ABI2: variants seen among roughly 807,000 people sequenced by gnomAD.
The protein encoded by ABI2 is abelson interactor 2.
Under a neutral mutation model 59.2 loss-of-function variants are expected in ABI2, and 25 were observed. The ratio of observed to expected loss-of-function variants is 0.42; its 90% CI spans 0.31 to 0.59. The LOEUF (loss-of-function observed/expected upper bound fraction) is 0.59. ABI2 is among the 20% of genes least tolerant of loss of function. The probability of loss-of-function intolerance (pLI) is 0.14; values close to 1 mark genes in which losing one functional copy is unlikely to be tolerated. For synonymous variants in ABI2, 213 were observed against 235.5 expected (o/e 0.90, Z 0.87); for missense variants, 545 against 681.8 (o/e 0.80, Z 2.23).
At chr2:203,380,180 G>T (rs1163507620) in intron 2 of ABI2, 28 bp from the exon 3 acceptor site, 2 of 1,416,856 alleles carry the variant, frequency 1.4e-6, no homozygotes, top group Non-Finnish European at 1.9e-6. Context: ...ATACATTTTT[G>T]TGTTGTTTTT....
chr2:203,428,360 A>T lies in ABI2; in HGVS notation c.*1008A>T, dbSNP rs191896687. The T allele has an allele frequency of 6.5e-6, 1 of 152,696 alleles. No homozygotes were observed. Among genetic ancestry groups the T allele is most frequent in the African/African-American group, 2.4e-5 (1 of 41,542 alleles). The allele number at this position is 152,696 out of a possible 1,614,324, so 9.5% of individuals were successfully genotyped here. A position where few individuals can be genotyped will look rare whatever the true frequency, so the allele number is the denominator to read the frequency against. ...GTTATTTTCAAGTCTCCTGACAGTC[A>T]CTGGGAGTACAAGGTTTGCTAATGT... On this transcript the variant is annotated 3_prime_UTR_variant, in exon 12 of 12. Transcript: ENST00000261018.
At chr2:203,366,006 C>T (rs1353071153) in intron 1 of ABI2, among the ~76,000 whole-genome samples, 1 of 151,878 alleles carries the variant, frequency 6.6e-6, no homozygotes, top group Non-Finnish European at 1.5e-5. Context: ...AATTTTTTTA[C>T]TTTTTGTGTT....
intron 2 of ABI2, among the ~76,000 whole-genome samples, chr2:203,372,019 C>T (rs142022374): frequency 0.037 from 5,633 of 151,630 alleles, 335 homozygotes; most frequent in African/African-American, 0.13. Context: ...GAGGGAAGGT[C>T]AGCAGATAAA....
At chr2:203,331,228 A>G (rs778247330) in intron 1 of ABI2, among the ~76,000 whole-genome samples, 13 of 151,866 alleles carry the variant, frequency 8.6e-5, no homozygotes, top group East Asian at 1.9e-4. Context: ...ACGTGGTGAC[A>G]GTGGATTTGT....
At position 203,426,048 on chromosome 2, in the gene ABI2, C is replaced by T. The variant is rs1224525141; in HGVS notation, c.1454-1129C>T. On this transcript the variant is annotated intron_variant, in intron 11 of 11. Coordinates refer to ENST00000261018, the MANE Select transcript of ABI2 (RefSeq NM_001375670.1). ...AAAAAAAAAAAAAAATTCTGGTGTT[C>T]CTACAATATCACTATAATGGAAAAT... Among the ~76,000 whole-genome samples the T allele has an allele frequency of 2.0e-5, 3 of 151,332 alleles. No homozygotes were observed. In the East Asian group the frequency reaches 5.8e-4, roughly 29 times the overall value.
chr2:203,360,100 G>A (rs922184940), intron 1 of ABI2, among the ~76,000 whole-genome samples: 7 of 148,606 alleles, frequency 4.7e-5, no homozygotes, highest in South Asian at 2.1e-4. Flanking sequence ...CAGGAGAATC[G>A]CCTGAACCTG....
intron 11 of ABI2, among the ~76,000 whole-genome samples, chr2:203,421,113 G>C (rs945764002): frequency 2.6e-5 from 4 of 152,086 alleles, no homozygotes; most frequent in Non-Finnish European, 5.9e-5. Context: ...TTTTTAAAAA[G>C]GTTAATGATA....
Position 203,417,183 on chromosome 2 carries a change from T to A in ABI2, c.1453+102T>A, listed in dbSNP as rs1473689327. On this transcript the variant is annotated intron_variant, in intron 11 of 11. Transcript: ENST00000261018. ...TCTTATTTTCTACTAAGTGAAGTTC[T>A]ATTTATTTGTATTTGTGCATTTTTA... 8 of 1,045,744 alleles carry A rather than the reference T, an allele frequency of 7.7e-6. No individual in the cohort carries two copies. In the Admixed American group the frequency reaches 9.0e-5, roughly 12 times the overall value. The allele number at this position is 1,045,744 out of a possible 1,614,324, so 64.8% of individuals were successfully genotyped here.
At chr2:203,427,077 G>T in intron 11 of ABI2, 100 bp from the exon 12 acceptor site, 1 of 1,011,706 alleles carries the variant, frequency 9.9e-7, no homozygotes. Flanking sequence ...ATGTTTGAGT[G>T]CTACAGGATT....
chr2:203,407,411 C>T (rs753833427), intron 9 of ABI2, among the ~76,000 whole-genome samples: 10 of 152,004 alleles, frequency 6.6e-5, no homozygotes, highest in Admixed American at 1.3e-4. Context: ...GTTTTTAGAG[C>T]GCTTATTTTG....
intron 11 of ABI2, among the ~76,000 whole-genome samples, chr2:203,422,304 A>T (rs560688410): frequency 4.6e-5 from 7 of 152,292 alleles, no homozygotes; most frequent in African/African-American, 1.7e-4. Context: ...AAGAAAAAAA[A>T]TATCGAGAGT....
intron 1 of ABI2, among the ~76,000 whole-genome samples, chr2:203,348,781 G>A (rs927679992): frequency 4.0e-5 from 6 of 151,724 alleles, no homozygotes; most frequent in Non-Finnish European, 5.9e-5. Flanking sequence ...ATTAATATCT[G>A]TCTCCAGAGT....
Position 203,394,687 on chromosome 2 carries a change from C to T in ABI2, c.579-13C>T. 1.9e-6 allele frequency: 3 copies of T among 1,612,998 alleles called. No individual in the cohort carries two copies. Among genetic ancestry groups the T allele is most frequent in the Non-Finnish European group, 1.7e-6 (2 of 1,179,612 alleles). ...TGCTTAATCATACAATACATACGCT[C>T]TTCTTTTTGTAGGCGGCACTCCCCC... On this transcript the variant is annotated splice_polypyrimidine_tract_variant and intron_variant, in intron 5 of 11. Transcript: ENST00000261018.
At chr2:203,390,921 G>A (rs1220877613) in intron 4 of ABI2, 125 bp from the exon 5 acceptor site, 19 of 696,282 alleles carry the variant, frequency 2.7e-5, no homozygotes, top group Non-Finnish European at 4.6e-5. Flanking sequence ...GAAATGCATG[G>A]CCTCTAATTT....
intron 5 of ABI2, among the ~76,000 whole-genome samples, chr2:203,393,385 A>T (rs2096849258): frequency 6.6e-6 from 1 of 152,194 alleles, no homozygotes; most frequent in African/African-American, 2.4e-5. Context: ...CCTGGGAAAA[A>T]TTGTCTGAAA....
intron 1 of ABI2, among the ~76,000 whole-genome samples, chr2:203,359,873 T>G (rs1341462950): frequency 6.6e-6 from 1 of 151,978 alleles, no homozygotes; most frequent in Non-Finnish European, 1.5e-5. Flanking sequence ...ATTCAGACTA[T>G]AGCAATGAAT....
At chr2:203,353,407 A>T (rs552851305) in intron 1 of ABI2, among the ~76,000 whole-genome samples, 2 of 152,324 alleles carry the variant, frequency 1.3e-5, no homozygotes, top group South Asian at 2.1e-4. Flanking sequence ...GTTTTATTAG[A>T]TACCAAATAA....
chr2:203,369,164 G>A (rs897537875), intron 2 of ABI2, among the ~76,000 whole-genome samples: 2 of 151,756 alleles, frequency 1.3e-5, no homozygotes, highest in African/African-American at 2.4e-5. Flanking sequence ...AAGGAGGGAG[G>A]TTGACAAATT....
chr2:203,371,199 C>T (rs2095144308), intron 2 of ABI2, among the ~76,000 whole-genome samples: 2 of 152,186 alleles, frequency 1.3e-5, no homozygotes, highest in Non-Finnish European at 2.9e-5. Context: ...GTTGGTTCTG[C>T]TCTTTACCTC....
Sources: allele counts gnomAD v4.1 joint callset (sites outside exome capture counted in the v4.1 genomes callset), GRCh38; gene constraint gnomAD v4.1.1; transcripts MANE v1.5; gene names NCBI Gene and HGNC (gene_info 2026-07-23, HGNC 2026-07-21).